ANKS1B: variants seen among roughly 807,000 people sequenced by gnomAD.
The protein encoded by ANKS1B is ankyrin repeat and sterile alpha motif domain containing 1B.
ANKS1B carries 36 observed loss-of-function variants against 148.3 expected under a neutral mutation model. The ratio of observed to expected loss-of-function variants is 0.24; its 90% CI spans 0.19 to 0.32. The LOEUF is 0.32. Ranked by LOEUF, ANKS1B falls within the 10% of genes least tolerant of loss-of-function variation. ANKS1B has a pLI of 1.00. For synonymous variants in ANKS1B, 542 were observed against 560.8 expected, an observed-to-expected ratio of 0.97 and a Z score of 0.47; for missense variants, 1,157 against 1,542.6, an observed-to-expected ratio of 0.75 and a Z score of 4.19.
chr12:99,935,112 T>C (rs1035076768), intron 1 of ANKS1B, among the ~76,000 whole-genome samples: 1 of 152,086 alleles, frequency 6.6e-6, no homozygotes, highest in African/African-American at 2.4e-5. Flanking sequence ...GTAAGAGATA[T>C]AAATTACACT....
chr12:98,891,693 C>T (rs550780471), intron 17 of ANKS1B, among the ~76,000 whole-genome samples: 5 of 152,132 alleles, frequency 3.3e-5, no homozygotes, highest in Admixed American at 6.5e-5. Context: ...AGAGTAAAAA[C>T]ATTACATATA....
chr12:99,676,347 T>C (rs1203581143), intron 8 of ANKS1B, among the ~76,000 whole-genome samples: 1 of 152,212 alleles, frequency 6.6e-6, no homozygotes, highest in Non-Finnish European at 1.5e-5. Flanking sequence ...AACACATCTC[T>C]GTATGACAGG....
chr12:99,340,904 A>G (rs1311346285), intron 12 of ANKS1B, among the ~76,000 whole-genome samples: 1 of 152,170 alleles, frequency 6.6e-6, no homozygotes, highest in Non-Finnish European at 1.5e-5. Flanking sequence ...ATTGTTTGCA[A>G]TGTAATTTAG....
intron 1 of ANKS1B, among the ~76,000 whole-genome samples, chr12:99,914,094 C>T (rs1233086838): frequency 6.6e-6 from 1 of 152,164 alleles, no homozygotes; most frequent in South Asian, 2.1e-4. Context: ...TCTCTTTATT[C>T]TTCCTGGAAC....
intron 12 of ANKS1B, among the ~76,000 whole-genome samples, chr12:99,357,363 C>T (rs2092094138): frequency 6.6e-6 from 1 of 152,014 alleles, no homozygotes; most frequent in South Asian, 2.1e-4. Context: ...GCATTATACC[C>T]ATCCCTGCAT....
intron 10 of ANKS1B, among the ~76,000 whole-genome samples, chr12:99,459,885 T>A (rs1213094749): frequency 6.6e-6 from 1 of 152,026 alleles, no homozygotes. Flanking sequence ...CCATCATTCT[T>A]CACAGAACTA....
At chr12:99,371,751 T>C (rs949852243) in intron 12 of ANKS1B, among the ~76,000 whole-genome samples, 2 of 152,162 alleles carry the variant, frequency 1.3e-5, no homozygotes, top group Non-Finnish European at 2.9e-5. Flanking sequence ...AGTTAAGCTC[T>C]AATTATTAAG....
chr12:99,650,615 CCT>C (rs560192976), intron 9 of ANKS1B, among the ~76,000 whole-genome samples: 1 of 152,058 alleles, frequency 6.6e-6, no homozygotes, highest in South Asian at 2.1e-4. Context: ...ATTTTAATCC[CCT>C]GACGCTATTT....
intron 12 of ANKS1B, among the ~76,000 whole-genome samples, chr12:99,256,802 A>G (rs1024630639): frequency 4.6e-5 from 7 of 152,062 alleles, no homozygotes; most frequent in Non-Finnish European, 1.0e-4. Context: ...TCAATTTCAC[A>G]ATAATGTGTC....
intron 9 of ANKS1B, among the ~76,000 whole-genome samples, chr12:99,578,655 T>C (rs2097541144): frequency 6.6e-6 from 1 of 151,850 alleles, no homozygotes; most frequent in South Asian, 2.1e-4. Context: ...AGGTGAAAGA[T>C]CACTACAATT....
chr12:99,173,460 C>T (rs1238362791), intron 14 of ANKS1B, among the ~76,000 whole-genome samples: 1 of 152,014 alleles, frequency 6.6e-6, no homozygotes, highest in Non-Finnish European at 1.5e-5. Flanking sequence ...GTGTATTTTT[C>T]ACACTTAAGA....
chr12:99,114,159 CAG>C (rs1033906623), intron 15 of ANKS1B, among the ~76,000 whole-genome samples: 2 of 152,144 alleles, frequency 1.3e-5, no homozygotes, highest in Admixed American at 6.5e-5. Flanking sequence ...AATTGAAAAT[CAG>C]AGAGTTAAAT....
At chr12:99,348,667 T>C (rs918629923) in intron 12 of ANKS1B, among the ~76,000 whole-genome samples, 2 of 151,874 alleles carry the variant, frequency 1.3e-5, no homozygotes, top group African/African-American at 4.8e-5. Flanking sequence ...AGAGAAGAAC[T>C]GTAAATTAAG....
At chr12:99,208,781 A>T (rs1444394212) in intron 14 of ANKS1B, among the ~76,000 whole-genome samples, 1 of 152,128 alleles carries the variant, frequency 6.6e-6, no homozygotes. Context: ...ATGGCTTTTT[A>T]ATTTGAAACA....
At chr12:98,818,909 G>C (rs1377581225) in intron 19 of ANKS1B, among the ~76,000 whole-genome samples, 6 of 152,032 alleles carry the variant, frequency 3.9e-5, no homozygotes, top group Non-Finnish European at 8.8e-5. Context: ...TTTTATCCTT[G>C]TGAAAAATAT....
chr12:99,299,795 C>G (rs1220567784), intron 12 of ANKS1B, among the ~76,000 whole-genome samples: 1 of 151,888 alleles, frequency 6.6e-6, no homozygotes, highest in Admixed American at 6.6e-5. Flanking sequence ...CCTTTTTTTC[C>G]ATTTTGTTAA....
At position 98,751,207 on chromosome 12, in the gene ANKS1B, G is replaced by T; in HGVS notation, c.3747+148C>A. ...TTGGTGGGAACCAGGCAGAGGTGAT[G>T]ATGGACACATGCCAGGAGGAGGCCA... is the stretch of plus-strand genomic sequence containing the variant. On this transcript the variant is annotated intron_variant, in intron 26 of 26. Transcript: ENST00000683438. This position sits in a 1 kb window ranked among gnomAD's most constrained non-coding sequence, Gnocchi z 4.3. 1.3e-6 allele frequency: 1 copy of T among 792,094 alleles called. No individual in the cohort carries two copies. The highest frequency in any genetic ancestry group is 2.0e-6 in the Non-Finnish European group (1 of 502,964). The allele number at this position is 792,094 out of a possible 1,614,324, so 49.1% of individuals were successfully genotyped here. A position where few individuals can be genotyped will look rare whatever the true frequency, so the allele number is the denominator to read the frequency against.
intron 10 of ANKS1B, among the ~76,000 whole-genome samples, chr12:99,449,753 G>A (rs1007324056): frequency 9.2e-5 from 14 of 152,182 alleles, no homozygotes; most frequent in South Asian, 8.3e-4. Context: ...GAGTACTTGC[G>A]TGATATTTGA....
At chr12:99,954,568 T>G (rs1202873312) in intron 1 of ANKS1B, among the ~76,000 whole-genome samples, 2 of 152,218 alleles carry the variant, frequency 1.3e-5, no homozygotes, top group Non-Finnish European at 2.9e-5. Context: ...CTTTTGGAAT[T>G]TATATGGAAA....
Sources: gnomAD v4.1 joint callset for allele counts (sites outside exome capture counted in the v4.1 genomes callset) on GRCh38, gnomAD v4.1.1 for gene constraint, Gnocchi (gnomAD v3.1) non-coding constraint, MANE v1.5 for transcripts, NCBI Gene and HGNC (gene_info 2026-07-23, HGNC 2026-07-21) for gene names.